TSHZ2: variants seen among roughly 807,000 people sequenced by gnomAD.
The protein encoded by TSHZ2 is teashirt homolog 2.
TSHZ2 carries 21 observed loss-of-function variants against 74.4 expected under a neutral mutation model. The ratio of observed to expected loss-of-function variants is 0.28; its 90% CI spans 0.20 to 0.41. The LOEUF (loss-of-function observed/expected upper bound fraction) is 0.41. Among genes scored for constraint, TSHZ2 ranks in the 10% least tolerant of loss-of-function variants. The pLI is 1.00. For missense variants in TSHZ2, 1,244 were observed against 1,293.5 expected, an observed-to-expected ratio of 0.96 and a Z score of 0.59; for synonymous variants, 540 against 515.3, an observed-to-expected ratio of 1.05 and a Z score of -0.65.
intron 1 of TSHZ2, among the ~76,000 whole-genome samples, chr20:53,047,138 ACCT>A (rs1442339227): frequency 6.6e-6 from 1 of 151,806 alleles, no homozygotes; most frequent in East Asian, 1.9e-4. Flanking sequence ...TTTATTTGAA[ACCT>A]CCTGATTTTT....
intron 1 of TSHZ2, among the ~76,000 whole-genome samples, chr20:53,005,198 A>G (rs550544683): frequency 6.6e-6 from 1 of 152,070 alleles, no homozygotes; most frequent in East Asian, 1.9e-4. Context: ...ACCTGTACCT[A>G]GCTACTTGGG....
chr20:53,114,447 A>AT (rs2123332361), intron 1 of TSHZ2, among the ~76,000 whole-genome samples: 1 of 148,228 alleles, frequency 6.7e-6, no homozygotes, highest in African/African-American at 2.6e-5. Flanking sequence ...ACGATATGTC[A>AT]TGAAGAAGAA....
intron 1 of TSHZ2, among the ~76,000 whole-genome samples, chr20:53,212,006 C>T (rs1237558943): frequency 6.6e-6 from 1 of 152,156 alleles, no homozygotes; most frequent in African/African-American, 2.4e-5. Flanking sequence ...TCCTTACCTG[C>T]GTTACCCAGC....
chr20:52,984,422 AAGTG>A (rs1981677471), intron 1 of TSHZ2, among the ~76,000 whole-genome samples: 1 of 152,154 alleles, frequency 6.6e-6, no homozygotes. Flanking sequence ...CCGTCTGCGG[AAGTG>A]ATACTGGGTC....
At chr20:53,448,020 TCTC>T (rs1428181555) in intron 2 of TSHZ2, among the ~76,000 whole-genome samples, 1 of 151,816 alleles carries the variant, frequency 6.6e-6, no homozygotes, top group Non-Finnish European at 1.5e-5. Flanking sequence ...TTCACGCCAT[TCTC>T]CTGCCTCAGC....
chr20:52,998,715 T>C (rs1212193801), intron 1 of TSHZ2, among the ~76,000 whole-genome samples: 1 of 152,206 alleles, frequency 6.6e-6, no homozygotes, highest in Non-Finnish European at 1.5e-5. Flanking sequence ...GCAGGAACCA[T>C]GTCCAGTTTT....
At chr20:53,315,202 G>A (rs1978955715) in intron 2 of TSHZ2, among the ~76,000 whole-genome samples, 1 of 152,126 alleles carries the variant, frequency 6.6e-6, no homozygotes, top group Admixed American at 6.5e-5. Flanking sequence ...AAGACTAAAG[G>A]TTTTCTTTCA....
chr20:53,018,674 A>G (rs568095892), intron 1 of TSHZ2, among the ~76,000 whole-genome samples: 34 of 152,156 alleles, frequency 2.2e-4, no homozygotes, highest in Non-Finnish European at 4.0e-4. Context: ...ACATCTTTCC[A>G]TATGCTGTGC....
intron 2 of TSHZ2, among the ~76,000 whole-genome samples, chr20:53,356,855 C>T (rs1175967678): frequency 6.6e-6 from 1 of 151,706 alleles, no homozygotes; most frequent in Non-Finnish European, 1.5e-5. Context: ...ACACTCTTTC[C>T]AGAAAACAGG....
chr20:53,463,646 A>C (rs1985471238), intron 2 of TSHZ2, among the ~76,000 whole-genome samples: 1 of 152,166 alleles, frequency 6.6e-6, no homozygotes, highest in Admixed American at 6.5e-5. Flanking sequence ...GTGCATTAGA[A>C]TCCCCTGAGG....
chr20:53,166,324 A>G, intron 1 of TSHZ2, among the ~76,000 whole-genome samples: 1 of 152,198 alleles, frequency 6.6e-6, no homozygotes, highest in Non-Finnish European at 1.5e-5. Context: ...GACATTGAAT[A>G]AGGCGAATTT....
chr20:53,161,923 A>T (rs1374656894), intron 1 of TSHZ2, among the ~76,000 whole-genome samples: 1 of 152,180 alleles, frequency 6.6e-6, no homozygotes, highest in Non-Finnish European at 1.5e-5. Context: ...TTTTCCTTTA[A>T]TCTTCACCAA....
chr20:53,177,518 G>T (rs1161592061), intron 1 of TSHZ2, among the ~76,000 whole-genome samples: 2 of 152,190 alleles, frequency 1.3e-5, no homozygotes, highest in Non-Finnish European at 2.9e-5. Flanking sequence ...AAGAAGCAAG[G>T]CTTTAGACTT....
intron 2 of TSHZ2, among the ~76,000 whole-genome samples, chr20:53,404,941 T>G (rs1439864561): frequency 1.3e-5 from 2 of 152,182 alleles, no homozygotes; most frequent in African/African-American, 4.8e-5. Context: ...CCACGCACTC[T>G]TCGACATCCA....
At chr20:53,030,649 G>A (rs2084579866) in intron 1 of TSHZ2, among the ~76,000 whole-genome samples, 1 of 152,108 alleles carries the variant, frequency 6.6e-6, no homozygotes, top group Admixed American at 6.5e-5. Flanking sequence ...TTGTGTCTCT[G>A]AAATAAAAAT....
chr20:53,076,120 C>T (rs1012405465), intron 1 of TSHZ2, among the ~76,000 whole-genome samples: 11 of 152,124 alleles, frequency 7.2e-5, no homozygotes, highest in African/African-American at 2.2e-4. Flanking sequence ...AAAGGAATAA[C>T]ACAAAGAATT....
intron 1 of TSHZ2, among the ~76,000 whole-genome samples, chr20:52,998,040 C>T (rs978781976): frequency 6.6e-6 from 1 of 152,158 alleles, no homozygotes. Flanking sequence ...TTCGTGAGCA[C>T]GTTGAGATTT....
At chr20:53,230,076 G>T (rs1001596538) in intron 1 of TSHZ2, among the ~76,000 whole-genome samples, 1 of 151,820 alleles carries the variant, frequency 6.6e-6, no homozygotes, top group Non-Finnish European at 1.5e-5. Flanking sequence ...GGGAGGAGGA[G>T]AGATAGACTG....
chr20:53,221,304 G>A lies in TSHZ2; in HGVS notation c.41-32195G>A, dbSNP rs116391678. Among the ~76,000 whole-genome samples, 1,175 of 152,240 alleles carry A rather than the reference G, an allele frequency of 7.7e-3. 10 individuals are homozygous for A. Among genetic ancestry groups the A allele is most frequent in the African/African-American group, 0.027 (1,131 of 41,530 alleles). ...AGTCTCAGGTATGTCTTTATCAGCA[G>A]CATGAGAATGAGCTAATACAATGAG... is the stretch of plus-strand genomic sequence containing the variant. On this transcript the variant is annotated intron_variant, in intron 1 of 2. Transcript: ENST00000371497.
Sources: gnomAD v4.1 joint callset for allele counts (sites outside exome capture counted in the v4.1 genomes callset) on GRCh38, gnomAD v4.1.1 for gene constraint, MANE v1.5 for transcripts, NCBI Gene and HGNC (gene_info 2026-07-23, HGNC 2026-07-21) for gene names.